Variants in NAA16 observed in about 807,000 individuals in gnomAD.
NAA16 encodes N-alpha-acetyltransferase 16, NatA auxiliary subunit, also known as NARG1-like protein.
NAA16 carries 97 observed loss-of-function variants against 110.3 expected under a neutral mutation model. The observed-to-expected ratio is 0.88, with a 90% CI of 0.75 to 1.04. The LOEUF is 1.04. Among genes scored for constraint, NAA16 ranks in the 50% least tolerant of loss-of-function variants. The pLI, the probability that NAA16 is intolerant of heterozygous loss-of-function variation, is 0.00. For missense variants in NAA16, 1,017 were observed against 1,005.1 expected, an observed-to-expected ratio of 1.01 and a Z score of -0.16; for synonymous variants, 372 against 330.6, an observed-to-expected ratio of 1.13 and a Z score of -1.36.
chr13:41,354,481 A>G (rs981704292), intron 9 of NAA16: 1 of 152,240 alleles, frequency 6.6e-6, no homozygotes, highest in Non-Finnish European at 1.5e-5. Context: ...GGGAAATAAG[A>G]GAAATATAAT....
intron 9 of NAA16, among the ~76,000 whole-genome samples, chr13:41,350,287 A>T (rs956249735): frequency 2.6e-5 from 3 of 115,250 alleles, no homozygotes; most frequent in African/African-American, 1.0e-4. Context: ...CAAAAAAGGA[A>T]ATCAGTTTTG....
At chr13:41,338,990 T>C (rs1244874083) in intron 9 of NAA16, among the ~76,000 whole-genome samples, 2 of 152,202 alleles carry the variant, frequency 1.3e-5, no homozygotes, top group African/African-American at 4.8e-5. Flanking sequence ...GGAGGTGAAG[T>C]ATGACAAACA....
At chr13:41,352,928 A>C (rs1304195674) in intron 9 of NAA16, among the ~76,000 whole-genome samples, 1 of 152,050 alleles carries the variant, frequency 6.6e-6, no homozygotes, top group Non-Finnish European at 1.5e-5. Context: ...CTTCTTTAAA[A>C]ATAGGTTTCA....
chr13:41,334,755 G>C (rs1039456960), intron 8 of NAA16, among the ~76,000 whole-genome samples: 5 of 152,174 alleles, frequency 3.3e-5, no homozygotes. Flanking sequence ...GGTAAAAAGA[G>C]TTTATAAGTG....
chr13:41,375,327 G>T, intron 19 of NAA16, 78 bp from the exon 20 acceptor site: 1 of 994,252 alleles, frequency 1.0e-6, no homozygotes, highest in South Asian at 1.6e-5. Flanking sequence ...TTAACACATT[G>T]CATCTTTTGA....
chr13:41,358,828 G>A lies in NAA16; in HGVS notation c.1276G>A (p.Glu426Lys), dbSNP rs1311167393. ...KIYKHIGNLK[E>K]AAKWMDEAQS... is the part of the protein sequence containing the mutation. ...TTTATAGCATATAGGTAATCTCAAA[G>A]AAGCTGCAAAGTGGATGGATGAAGC... Residue 426 changes from glutamate (E) to lysine (K), a missense_variant, in exon 12 of 20, where the codon GAA becomes AAA. By Grantham distance (56) the Glu-to-Lys change is moderately conservative. Transcript: ENST00000379406. The A allele has an allele frequency of 1.2e-6, 2 of 1,602,846 alleles. No individual in the cohort carries two copies. The highest frequency in any genetic ancestry group is 2.2e-5 in the East Asian group (1 of 44,718).
At chr13:41,373,904 G>A in intron 18 of NAA16, 124 bp downstream of exon 18, 1 of 1,376,798 alleles carries the variant, frequency 7.3e-7, no homozygotes, top group Non-Finnish European at 9.4e-7. Context: ...GAGAAATGTG[G>A]ACAAATTTAA....
At chr13:41,326,368 A>G (rs1422651157) in intron 6 of NAA16, among the ~76,000 whole-genome samples, 3 of 152,180 alleles carry the variant, frequency 2.0e-5, no homozygotes, top group Non-Finnish European at 4.4e-5. Flanking sequence ...CCTTTCCCTG[A>G]GCAATAATGT....
chr13:41,351,354 C>T (rs555576984), intron 9 of NAA16, among the ~76,000 whole-genome samples: 2 of 152,058 alleles, frequency 1.3e-5, no homozygotes, highest in Non-Finnish European at 2.9e-5. Flanking sequence ...GACAGTTTAC[C>T]TCTGTAACTA....
chr13:41,322,314 A>G (rs1267280376), intron 4 of NAA16, among the ~76,000 whole-genome samples: 1 of 152,118 alleles, frequency 6.6e-6, no homozygotes, highest in African/African-American at 2.4e-5. Context: ...ATCAAATGAT[A>G]GTGTTGGCAG....
intron 15 of NAA16, among the ~76,000 whole-genome samples, chr13:41,371,266 TGA>T (rs2043310977): frequency 6.6e-6 from 1 of 152,248 alleles, no homozygotes; most frequent in African/African-American, 2.4e-5. Flanking sequence ...AGAAGGGTTC[TGA>T]TTATTCAAGA....
chr13:41,328,817 A>T lies in NAA16; in HGVS notation c.785A>T (p.Glu262Val). Residue 262 changes from glutamate to valine, a missense_variant, in exon 7 of 20, where the codon GAA (glutamate) becomes GTA (valine). By Grantham distance (121) the Glu-to-Val change is moderately radical. Coordinates refer to ENST00000379406, the MANE Select transcript of NAA16 (RefSeq NM_024561.5). ...DRNAENWCYYEGLEKALQIST... is the reference protein window; with the variant it reads ...DRNAENWCYYVGLEKALQIST... The stretch of plus-strand genomic sequence containing the variant: ...AATGCAGAAAATTGGTGTTATTATG[A>T]AGGCTTGGAAAAAGCTCTACAAATT... 6.2e-7 allele frequency: 1 copy of T among 1,604,518 alleles called. No individual in the cohort carries two copies. The highest frequency in any genetic ancestry group is 1.3e-5 in the African/African-American group (1 of 74,866).
At chr13:41,329,175 GTGT>G (rs2042170677) in intron 7 of NAA16, among the ~76,000 whole-genome samples, 2 of 151,996 alleles carry the variant, frequency 1.3e-5, no homozygotes, top group South Asian at 2.1e-4. Flanking sequence ...TTTCTGGGAA[GTGT>G]TGTAACTATT....
In NAA16 at chr13:41,318,817, A is replaced by G. The variant is rs576272372; in HGVS notation, c.151A>G (p.Met51Val). The G allele has an allele frequency of 3.3e-5, 51 of 1,551,986 alleles. 1 individual carries two copies. In the South Asian group the frequency reaches 5.5e-4, roughly 17 times the overall value. Residue 51 changes from methionine to valine, a missense_variant, in exon 3 of 20, where the codon ATG becomes GTG. Coordinates refer to ENST00000379406, the MANE Select transcript of NAA16 (RefSeq NM_024561.5). ...AAATTATTTTTCAGAGACTTTGGCT[A>G]TGAAAGGATTAACACTGAACTGTTT... ...KFAEHGETLA[M>V]KGLTLNCLGK...
Position 41,376,986 on chromosome 13 carries a change from A to G in NAA16, c.*1384A>G, listed in dbSNP as rs1196492843. 9 of 152,354 alleles carry G rather than the reference A, an allele frequency of 5.9e-5. No homozygotes were observed. The highest frequency in any genetic ancestry group is 9.6e-5 in the African/African-American group (4 of 41,586). 9.4% of individuals were successfully genotyped at this position (152,354 alleles called of 1,614,324 possible). A position where few individuals can be genotyped will look rare whatever the true frequency, so the allele number is the denominator to read the frequency against. The stretch of plus-strand genomic sequence containing the variant: ...GACGGGAAAAACTCGCTGTAAAATA[A>G]TGCCAACCTAGATAATGCTATAATA... On this transcript the variant is annotated 3_prime_UTR_variant, in exon 20 of 20. Transcript: ENST00000379406.
intron 1 of NAA16, among the ~76,000 whole-genome samples, chr13:41,312,552 C>T (rs1050637808): frequency 6.6e-6 from 1 of 152,062 alleles, no homozygotes; most frequent in Non-Finnish European, 1.5e-5. Context: ...TTTATCTTTT[C>T]ACCTGAAAAA....
At chr13:41,330,297 A>G (rs566854563) in intron 7 of NAA16, among the ~76,000 whole-genome samples, 1 of 151,860 alleles carries the variant, frequency 6.6e-6, no homozygotes, top group Non-Finnish European at 1.5e-5. Context: ...TCTAAACGAG[A>G]TCACACCTCT....
chr13:41,316,957 T>C (rs753049165), intron 2 of NAA16, 27 bp downstream of exon 2: 4 of 1,490,594 alleles, frequency 2.7e-6, no homozygotes, highest in Non-Finnish European at 3.7e-6. Flanking sequence ...GAGATTGCTT[T>C]AGGGAAATCA....
chr13:41,326,936 C>G (rs1437316464), intron 6 of NAA16, among the ~76,000 whole-genome samples: 2 of 152,148 alleles, frequency 1.3e-5, no homozygotes, highest in African/African-American at 4.8e-5. Context: ...ATCCCTCACT[C>G]CTGCAAACCC....
Sources: gnomAD v4.1 joint callset for allele counts (sites outside exome capture counted in the v4.1 genomes callset) on GRCh38, gnomAD v4.1.1 for gene constraint, MANE v1.5 for transcripts, NCBI Gene and HGNC (gene_info 2026-07-23, HGNC 2026-07-21) for gene names.